PCDH11X: variants seen among roughly 807,000 people sequenced by gnomAD.
PCDH11X encodes protocadherin-11 X-linked.
Under a neutral mutation model 53.3 loss-of-function variants are expected in PCDH11X, and 18 were observed. The ratio of observed to expected loss-of-function variants is 0.34; its 90% CI spans 0.23 to 0.50. PCDH11X has a LOEUF of 0.50. PCDH11X is among the 20% of genes least tolerant of loss of function. PCDH11X has a pLI of 0.98. For missense variants in PCDH11X, 570 were observed against 1,032.4 expected (o/e 0.55, Z 6.14); for synonymous variants, 279 against 393.3 (o/e 0.71, Z 3.44).
chrX:92,556,681 G>A (rs1200604299), intron 10 of PCDH11X, among the ~76,000 whole-genome samples: 4 of 110,589 alleles, frequency 3.6e-5, no homozygotes, highest in Non-Finnish European at 7.6e-5. Flanking sequence ...GCTTTTCCAG[G>A]TGCACATTGC....
intron 7 of PCDH11X, among the ~76,000 whole-genome samples, chrX:92,206,452 C>A (rs1426400895): frequency 1.8e-5 from 2 of 111,535 alleles, no homozygotes; most frequent in African/African-American, 6.5e-5. Context: ...TTTGATAATG[C>A]CACATTCAAC....
chrX:91,843,811 C>G (rs1602344579), intron 5 of PCDH11X, among the ~76,000 whole-genome samples: 2 of 111,247 alleles, frequency 1.8e-5, no homozygotes, highest in African/African-American at 6.5e-5. Flanking sequence ...GCAGTTAATA[C>G]TTTTTGCCAA....
intron 6 of PCDH11X, among the ~76,000 whole-genome samples, chrX:92,155,641 T>C (rs1389581938): frequency 1.8e-4 from 16 of 90,948 alleles, no homozygotes; most frequent in African/African-American, 6.1e-4. Flanking sequence ...TTTTTTTTTT[T>C]CCTGAGACAG....
At chrX:92,454,355 A>T (rs915723604) in intron 9 of PCDH11X, among the ~76,000 whole-genome samples, 1 of 109,261 alleles carries the variant, frequency 9.2e-6, no homozygotes, top group African/African-American at 3.3e-5. Context: ...AATGTCATTT[A>T]TTCAGCACAG....
At chrX:92,196,498 G>C (rs748241818) in intron 6 of PCDH11X, among the ~76,000 whole-genome samples, 32 of 111,414 alleles carry the variant, frequency 2.9e-4, no homozygotes, top group Non-Finnish European at 4.9e-4. Context: ...CTTCCAACTA[G>C]AGATTATGTA....
chrX:92,180,660 C>A (rs1364438197), intron 6 of PCDH11X, among the ~76,000 whole-genome samples: 6 of 111,312 alleles, frequency 5.4e-5, no homozygotes, highest in African/African-American at 2.0e-4. Context: ...AAGATAGAAT[C>A]ATGGGGGCAA....
At chrX:92,275,228 T>C (rs1460256058) in intron 8 of PCDH11X, among the ~76,000 whole-genome samples, 2 of 102,542 alleles carry the variant, frequency 2.0e-5, no homozygotes, top group African/African-American at 6.9e-5. Flanking sequence ...GGTGTGGTCC[T>C]GGCTCTTGTG....
rs900646753 is a variant in PCDH11X, at chrX:91,993,209, A to G, written c.3033+113936A>G. ...TTTAGATCTGTGTGCAAAGAAGAAC[A>G]TAACACACCAAGGTGAAATTTGTTA... is the stretch of plus-strand genomic sequence containing the variant. On this transcript the variant is annotated intron_variant, in intron 6 of 10. Transcript: ENST00000682573. 3.5e-5 allele frequency among the ~76,000 whole-genome samples: 4 copies of G among 112,979 alleles called. No homozygotes were observed. In the Admixed American group the frequency reaches 3.7e-4, roughly 11 times the overall value.
chrX:92,020,691 A>C (rs760511654), intron 6 of PCDH11X, among the ~76,000 whole-genome samples: 27 of 110,970 alleles, frequency 2.4e-4, no homozygotes, highest in African/African-American at 8.5e-4. Context: ...ACCAAGAAAC[A>C]GTCAAAGTGC....
Position 92,217,225 on chromosome X carries a change from A to G in PCDH11X, c.3114+15770A>G, listed in dbSNP as rs1318977550. Among the ~76,000 whole-genome samples, 3 of 111,241 alleles carry G rather than the reference A, an allele frequency of 2.7e-5. No homozygotes were observed. In the East Asian group the frequency reaches 8.5e-4, roughly 32 times the overall value. ...CAATATTAACTTTAAATGTAAATGG[A>G]CTAAATGCTCCAATTAAAAGACACA... On this transcript the variant is annotated intron_variant, in intron 7 of 10. Coordinates refer to ENST00000682573, the MANE Select transcript of PCDH11X (RefSeq NM_032968.5).
chrX:91,801,179 C>CAA (rs72093084), intron 1 of PCDH11X, among the ~76,000 whole-genome samples: 905 of 31,816 alleles, frequency 0.028, 50 homozygotes, highest in African/African-American at 0.096. Flanking sequence ...GACCCTGCCT[C>CAA]AAAAAAAAAA....
intron 6 of PCDH11X, among the ~76,000 whole-genome samples, chrX:91,886,798 C>T (rs1313517418): frequency 9.3e-6 from 1 of 107,866 alleles, no homozygotes; most frequent in African/African-American, 3.4e-5. Flanking sequence ...AGTGAAACCC[C>T]GTCTCTACTA....
chrX:92,422,086 T>A (rs1251671391), intron 9 of PCDH11X, among the ~76,000 whole-genome samples: 1 of 110,226 alleles, frequency 9.1e-6, no homozygotes, highest in Non-Finnish European at 1.9e-5. Flanking sequence ...TTTAAGCAGC[T>A]GTTATATACC....
At chrX:92,074,782 G>A (rs34451684) in intron 6 of PCDH11X, among the ~76,000 whole-genome samples, 16 of 111,858 alleles carry the variant, frequency 1.4e-4, no homozygotes, top group Admixed American at 4.8e-4. Context: ...GTAATGAATC[G>A]TTTATTAATT....
At position 92,618,756 on chromosome X, in the gene PCDH11X, A is replaced by G. The variant is rs780165215; in HGVS notation, c.3860A>G (p.Asp1287Gly). The G allele has an allele frequency of 2.5e-6, 3 of 1,210,453 alleles. No homozygotes were observed. The African/African-American group carries it at 5.2e-5, about 21-fold the overall frequency. The change falls in exon 11 of 11, where the codon GAT becomes GGT. Residue 1287 changes from aspartate to glycine, a missense_variant. Physicochemically the swap from Asp to Gly is moderately conservative, Grantham distance 94. Transcript: ENST00000682573. ...SLQQGWVQGA[D>G]GLCSVDQGVQ... ...CAGCAAGGTTGGGTGCAAGGTGCTG[A>G]TGGGCTATGCTCTGTTGATCAGGGA...
In PCDH11X at chrX:92,351,083, A is replaced by G. The variant is rs1248481650; in HGVS notation, c.3145-36652A>G. ...TCAAACTTCTGAGTAACTTCTGTTC[A>G]GTATGATGTTTACTTTACTGCGATC... On this transcript the variant is annotated intron_variant, in intron 8 of 10. Transcript: ENST00000682573. 2.7e-5 allele frequency among the ~76,000 whole-genome samples: 3 copies of G among 112,296 alleles called. 1 individual carries two copies. Among genetic ancestry groups the G allele is most frequent in the Middle Eastern group, 9.2e-3 (2 of 217 alleles).
chrX:92,408,277 C>T (rs1422647520), intron 9 of PCDH11X, among the ~76,000 whole-genome samples: 1 of 110,205 alleles, frequency 9.1e-6, no homozygotes, highest in Non-Finnish European at 1.9e-5. Context: ...GACAGGGCAT[C>T]TTAGCATGTT....
At chrX:92,243,647 C>G (rs1243125822) in intron 7 of PCDH11X, among the ~76,000 whole-genome samples, 1 of 110,804 alleles carries the variant, frequency 9.0e-6, no homozygotes, top group Non-Finnish European at 1.9e-5. Context: ...ACTAAAGATG[C>G]CTTAGTAGTG....
At chrX:92,363,622 C>T (rs2522667) in intron 8 of PCDH11X, among the ~76,000 whole-genome samples, 1 of 109,799 alleles carries the variant, frequency 9.1e-6, no homozygotes, top group South Asian at 3.8e-4. Context: ...TTACTTCTTC[C>T]TTTCCAATTT....
Sources: gnomAD v4.1 joint callset for allele counts (sites outside exome capture counted in the v4.1 genomes callset) on GRCh38, gnomAD v4.1.1 for gene constraint, MANE v1.5 for transcripts, NCBI Gene and HGNC (gene_info 2026-07-23, HGNC 2026-07-21) for gene names.